SPOCK1: variants seen among roughly 807,000 people sequenced by gnomAD.
SPOCK1 encodes testican-1.
In SPOCK1, 23 loss-of-function variants were observed where a neutral mutation model predicts 55.3. That is an observed-to-expected ratio of 0.42 (90% CI 0.30 to 0.59). The LOEUF (loss-of-function observed/expected upper bound fraction) is 0.59. Among genes scored for constraint, SPOCK1 ranks in the 20% least tolerant of loss-of-function variants. The pLI, the probability that SPOCK1 is intolerant of heterozygous loss-of-function variation, is 0.22. For synonymous variants in SPOCK1, 226 were observed against 221.0 expected (o/e 1.02, Z -0.20); for missense variants, 499 against 552.5 (o/e 0.90, Z 0.97).
chr5:137,133,142 G>A (rs1753915397), intron 4 of SPOCK1, among the ~76,000 whole-genome samples: 1 of 152,140 alleles, frequency 6.6e-6, no homozygotes, highest in African/African-American at 2.4e-5. Context: ...GGCTGAGGCA[G>A]GCAGATCACA....
intron 2 of SPOCK1, among the ~76,000 whole-genome samples, chr5:137,466,648 C>T (rs1753629199): frequency 6.6e-6 from 1 of 152,162 alleles, no homozygotes; most frequent in South Asian, 2.1e-4. Flanking sequence ...CATAATGGAA[C>T]TTACATGGAG....
chr5:137,028,594 C>T (rs1751719920), intron 6 of SPOCK1, among the ~76,000 whole-genome samples: 1 of 152,084 alleles, frequency 6.6e-6, no homozygotes, highest in East Asian at 1.9e-4. Flanking sequence ...AGGAAGTTTA[C>T]AGATGGGTCC....
At chr5:137,465,030 GAAC>G (rs1002526435) in intron 2 of SPOCK1, among the ~76,000 whole-genome samples, 1 of 152,120 alleles carries the variant, frequency 6.6e-6, no homozygotes, top group African/African-American at 2.4e-5. Flanking sequence ...AACCTTGAGA[GAAC>G]AACGCTATAG....
intron 3 of SPOCK1, among the ~76,000 whole-genome samples, chr5:137,156,773 GAGA>G (rs1580780822): frequency 6.6e-6 from 1 of 152,090 alleles, no homozygotes; most frequent in East Asian, 1.9e-4. Flanking sequence ...AACTTGTTGA[GAGA>G]AGAACCAGAA....
chr5:137,189,937 A>G (rs2117403), intron 3 of SPOCK1, among the ~76,000 whole-genome samples: 1 of 151,398 alleles, frequency 6.6e-6, no homozygotes, highest in South Asian at 2.1e-4. Context: ...AAGACTTCAT[A>G]ATAGGAAGTA....
chr5:137,246,962 G>A (rs1756407313), intron 3 of SPOCK1, among the ~76,000 whole-genome samples: 1 of 152,128 alleles, frequency 6.6e-6, no homozygotes, highest in Admixed American at 6.5e-5. Flanking sequence ...TCCGCGGGTG[G>A]AGCCCAGGAT....
chr5:137,025,512 T>C (rs1378861783), intron 6 of SPOCK1, among the ~76,000 whole-genome samples: 1 of 152,208 alleles, frequency 6.6e-6, no homozygotes, highest in Non-Finnish European at 1.5e-5. Flanking sequence ...TTCTAGCTAT[T>C]CTATTTACAC....
At chr5:137,088,897 C>A (rs917901784) in intron 5 of SPOCK1, among the ~76,000 whole-genome samples, 1 of 152,086 alleles carries the variant, frequency 6.6e-6, no homozygotes, top group African/African-American at 2.4e-5. Flanking sequence ...TGGGGGAGAT[C>A]AGGAGCAAAA....
Position 137,122,077 on chromosome 5 carries a change from A to G in SPOCK1, c.348-9516T>C, listed in dbSNP as rs545406273. On this transcript the variant is annotated intron_variant, in intron 4 of 10. Coordinates refer to ENST00000394945, the MANE Select transcript of SPOCK1 (RefSeq NM_004598.4). ...AGGATGACGTGACCACGTAAAGTCTACTAACTGGTATGAGACTGCAGTCTG... is the reference window on the plus strand; with the variant it reads ...AGGATGACGTGACCACGTAAAGTCTGCTAACTGGTATGAGACTGCAGTCTG... 3.9e-5 allele frequency among the ~76,000 whole-genome samples: 6 copies of G among 152,040 alleles called. No individual in the cohort carries two copies. In the East Asian group the frequency reaches 1.2e-3, roughly 29 times the overall value.
At chr5:137,307,011 A>T (rs1294948629) in intron 2 of SPOCK1, among the ~76,000 whole-genome samples, 1 of 152,170 alleles carries the variant, frequency 6.6e-6, no homozygotes, top group Non-Finnish European at 1.5e-5. Flanking sequence ...GCCCATCCTG[A>T]TGTCAGACTC....
intron 3 of SPOCK1, among the ~76,000 whole-genome samples, chr5:137,252,440 G>A (rs985315079): frequency 3.3e-5 from 5 of 152,156 alleles, no homozygotes; most frequent in Non-Finnish European, 5.9e-5. Context: ...TGAGAATATT[G>A]TATGCAAAAG....
chr5:137,267,580 A>G (rs1756884642), intron 2 of SPOCK1, among the ~76,000 whole-genome samples: 1 of 152,146 alleles, frequency 6.6e-6, no homozygotes, highest in South Asian at 2.1e-4. Context: ...GCTTAATACC[A>G]TTTGTTCTGG....
At chr5:137,253,673 G>A (rs1756581635) in intron 3 of SPOCK1, among the ~76,000 whole-genome samples, 1 of 152,100 alleles carries the variant, frequency 6.6e-6, no homozygotes, top group Non-Finnish European at 1.5e-5. Context: ...CTCCTCCATG[G>A]CAGCCTACCC....
intron 3 of SPOCK1, among the ~76,000 whole-genome samples, chr5:137,261,131 C>T (rs764951641): frequency 2.0e-5 from 3 of 152,132 alleles, no homozygotes; most frequent in Non-Finnish European, 4.4e-5. Context: ...AACTGAAAAA[C>T]TTTCAAGGCC....
chr5:137,344,594 T>C (rs1305360016), intron 2 of SPOCK1, among the ~76,000 whole-genome samples: 1 of 152,164 alleles, frequency 6.6e-6, no homozygotes, highest in African/African-American at 2.4e-5. Context: ...TGGGTAGAGG[T>C]CAGGGATGCT....
intron 3 of SPOCK1, among the ~76,000 whole-genome samples, chr5:137,176,885 G>A (rs1199170926): frequency 1.3e-5 from 2 of 152,158 alleles, no homozygotes; most frequent in Non-Finnish European, 2.9e-5. Flanking sequence ...GGCATTTGTG[G>A]TGGTGGAGGT....
intron 2 of SPOCK1, among the ~76,000 whole-genome samples, chr5:137,354,324 C>T (rs1423678864): frequency 6.6e-6 from 1 of 152,108 alleles, no homozygotes; most frequent in Non-Finnish European, 1.5e-5. Flanking sequence ...CTTGCGAGGC[C>T]CTGCCCTCAT....
At chr5:137,067,580 A>G (rs1239707989) in intron 6 of SPOCK1, 135 bp downstream of exon 6, 3 of 672,132 alleles carry the variant, frequency 4.5e-6, no homozygotes, top group Non-Finnish European at 7.7e-6. Flanking sequence ...GGGTCCCTAA[A>G]TCTGGAGTAC....
chr5:137,464,993 C>A (rs1171497680), intron 2 of SPOCK1, among the ~76,000 whole-genome samples: 1 of 152,000 alleles, frequency 6.6e-6, no homozygotes, highest in Non-Finnish European at 1.5e-5. Context: ...AAGACAAAGC[C>A]AGAGATATCA....
Sources: gnomAD v4.1 joint callset for allele counts (sites outside exome capture counted in the v4.1 genomes callset) on GRCh38, gnomAD v4.1.1 for gene constraint, MANE v1.5 for transcripts, NCBI Gene and HGNC (gene_info 2026-07-23, HGNC 2026-07-21) for gene names.